UQCRB: variants seen among roughly 807,000 people sequenced by gnomAD.
UQCRB encodes ubiquinol-cytochrome c reductase binding protein.
A neutral mutation model predicts 19.8 loss-of-function variants in UQCRB; 12 were observed. The observed-to-expected ratio is 0.61, with a 90% CI of 0.39 to 0.98. The LOEUF is 0.98. UQCRB is among the 50% of genes least tolerant of loss of function. The pLI is 0.00. For synonymous variants in UQCRB, 39 were observed against 42.9 expected (o/e 0.91, Z 0.35); for missense variants, 142 against 131.8 (o/e 1.08, Z -0.38).
chr8:96,231,254 T>C (rs769868307), intron 3 of UQCRB, 122 bp from the exon 4 acceptor site: 143 of 1,592,768 alleles, frequency 9.0e-5, no homozygotes, highest in Non-Finnish European at 1.1e-4. Flanking sequence ...AGAAAACATA[T>C]TCTCAACCTA....
intron 3 of UQCRB, 51 bp downstream of exon 3, chr8:96,231,723 A>G (rs1242627528): frequency 6.2e-7 from 1 of 1,610,324 alleles, no homozygotes; most frequent in Non-Finnish European, 8.5e-7. Flanking sequence ...TCTTGTTTCT[A>G]AAACTCCATC....
At chr8:96,235,326 G>C (rs1809784235) in intron 1 of UQCRB, 186 bp downstream of exon 1, 1 of 882,238 alleles carries the variant, frequency 1.1e-6, no homozygotes, top group African/African-American at 1.6e-5. Context: ...ACCCTATACA[G>C]GCAAGCCCGC....
rs1396410894 is a variant in UQCRB at position 96,229,283 on chromosome 8, G to A, written c.*1772C>T. Reference sequence around the variant, plus strand: ...GCCTGGGGGTTCCTGTTATACCTCAGTCTTGGTCAGTTCTATTTGTTCCCC... The same window carrying A: ...GCCTGGGGGTTCCTGTTATACCTCAATCTTGGTCAGTTCTATTTGTTCCCC... On this transcript the variant is annotated 3_prime_UTR_variant, in exon 4 of 4. Transcript: ENST00000287022. 1 of 454,088 alleles carries A rather than the reference G, an allele frequency of 2.2e-6. No individual in the cohort carries two copies. Among genetic ancestry groups the A allele is most frequent in the South Asian group, 1.6e-5 (1 of 64,478 alleles). The allele number at this position is 454,088 out of a possible 1,614,324, so 28.1% of individuals were successfully genotyped here. A position where few individuals can be genotyped will look rare whatever the true frequency, so the allele number is the denominator to read the frequency against.
Position 96,227,386 on chromosome 8 carries a change from C to G in UQCRB, c.*3669G>C, listed in dbSNP as rs537005456. ...TTCCATAGTGCTCGTGTGATGTACA[C>G]TAAGTTGTAAAGTTATAGGGCATCG... is the stretch of plus-strand genomic sequence containing the variant. On this transcript the variant is annotated 3_prime_UTR_variant, in exon 4 of 4. Transcript: ENST00000287022. The G allele has an allele frequency of 1.8e-5, 8 of 454,066 alleles. No homozygotes were observed. Among genetic ancestry groups the G allele is most frequent in the African/African-American group, 6.0e-5 (3 of 50,114 alleles). 28.1% of individuals were successfully genotyped at this position (454,066 alleles called of 1,614,324 possible).
Position 96,229,438 on chromosome 8 carries a change from T to G in UQCRB, c.*1617A>C. ...CACACCTTGACAGTGCTCTTTGAGA[T>G]GCCTCAGTTGTAGTCTCCTTGTAAT... On this transcript the variant is annotated 3_prime_UTR_variant, in exon 4 of 4. Coordinates refer to ENST00000287022, the MANE Select transcript of UQCRB (RefSeq NM_006294.5). 1 of 454,158 alleles carries G rather than the reference T, an allele frequency of 2.2e-6. No individual in the cohort carries two copies. Among genetic ancestry groups the G allele is most frequent in the South Asian group, 1.6e-5 (1 of 64,484 alleles). 28.1% of individuals were successfully genotyped at this position (454,158 alleles called of 1,614,324 possible). A position where few individuals can be genotyped will look rare whatever the true frequency, so the allele number is the denominator to read the frequency against.
chr8:96,234,963 C>G (rs1267441259), intron 1 of UQCRB: 8 of 217,516 alleles, frequency 3.7e-5, no homozygotes, highest in Non-Finnish European at 2.8e-5. Flanking sequence ...CGCTCGTATC[C>G]CTTGCTCAAC....
intron 3 of UQCRB, chr8:96,231,399 G>C: frequency 5.2e-6 from 8 of 1,537,806 alleles, no homozygotes; most frequent in Non-Finnish European, 7.0e-6. Flanking sequence ...TTTCAATGCA[G>C]TTCAAGGGGT....
rs1415037161 is a variant in UQCRB, at chr8:96,231,891, G to C, written c.141C>G (p.Ala47=). The change falls in exon 3 of 4, where the codon GCC becomes GCG. Residue 47 remains alanine, a synonymous_variant. Coordinates refer to ENST00000287022, the MANE Select transcript of UQCRB (RefSeq NM_006294.5). ...AAAGGTTCTCAGGAAGTCTTCTTAT[G>C]GCTTCTTTTACATCTTCATCCTCGT... ...TIYEDEDVKE[A]IRRLPENLYN... is the part of the protein sequence containing the mutation. The C allele has an allele frequency of 6.2e-7, 1 of 1,613,770 alleles. No homozygotes were observed. The highest frequency in any genetic ancestry group is 1.3e-5 in the African/African-American group (1 of 74,898).
In UQCRB at chr8:96,224,251, G is replaced by A. The variant is rs369633424; in HGVS notation, c.*6804C>T. Among the ~76,000 whole-genome samples the A allele has an allele frequency of 2.0e-5, 3 of 152,294 alleles. No individual in the cohort carries two copies. The highest frequency in any genetic ancestry group is 3.9e-4 in the East Asian group (2 of 5,172). ...CCAACTTTGATAGAGATAGCAGAGT[G>A]GGGAGGGATGGAAGGGAGAGCTGTA... On this transcript the variant is annotated 3_prime_UTR_variant, in exon 4 of 4. Transcript: ENST00000287022.
In UQCRB at chr8:96,229,705, C is replaced by T. The variant is rs1046822057; in HGVS notation, c.*1350G>A. 3.1e-5 allele frequency: 14 copies of T among 449,866 alleles called. No individual in the cohort carries two copies. The highest frequency in any genetic ancestry group is 6.8e-4 in the Middle Eastern group (1 of 1,464). 27.9% of individuals were successfully genotyped at this position (449,866 alleles called of 1,614,324 possible). On this transcript the variant is annotated 3_prime_UTR_variant, in exon 4 of 4. Transcript: ENST00000287022. ...ATCAAGTGATCTAGTTGTCTTCAAC[C>T]ATACAAAAGAAAATTGACATGATTT...
chr8:96,233,573 C>A, intron 1 of UQCRB: 1 of 199,222 alleles, frequency 5.0e-6, no homozygotes, highest in Non-Finnish European at 1.0e-5. Flanking sequence ...TGCCCTGTTA[C>A]CTTCAGAAAT....
At position 96,231,851 on chromosome 8, in the gene UQCRB, A is replaced by G; in HGVS notation, c.181T>C (p.Phe61Leu). ...AGGTCCAGTGCCCTCTTAATGCGAA[A>G]CATCCTGTCATTATAAAGGTTCTCA... ...LPENLYNDRM[F>L]RIKRALDLNL... The change falls in exon 3 of 4, where the codon TTT becomes CTT. Residue 61 changes from phenylalanine (F) to leucine (L), a missense_variant. This residue lies in a region of UQCRB where 132 missense variants were observed against 107.5 expected (regional missense o/e 1.23). Coordinates refer to ENST00000287022, the MANE Select transcript of UQCRB (RefSeq NM_006294.5). 2 of 1,614,134 alleles carry G rather than the reference A, an allele frequency of 1.2e-6. No individual in the cohort carries two copies. The highest frequency in any genetic ancestry group is 1.7e-6 in the Non-Finnish European group (2 of 1,180,022).
intron 3 of UQCRB, 88 bp downstream of exon 3, chr8:96,231,686 C>T (rs551116160): frequency 3.1e-5 from 48 of 1,570,942 alleles, no homozygotes; most frequent in Non-Finnish European, 4.1e-5. Context: ...TCAGAGAACT[C>T]TAACACTATG....
chr8:96,229,554 C>T lies in UQCRB; in HGVS notation c.*1501G>A. On this transcript the variant is annotated 3_prime_UTR_variant, in exon 4 of 4. Coordinates refer to ENST00000287022, the MANE Select transcript of UQCRB (RefSeq NM_006294.5). ...AAAAGAGCCTTTGCAGAGATCTACT[C>T]AGGAAAATTTTCTGAATAGACAAAT... 2 of 454,106 alleles carry T rather than the reference C, an allele frequency of 4.4e-6. No individual in the cohort carries two copies. The highest frequency in any genetic ancestry group is 8.8e-6 in the Non-Finnish European group (2 of 226,796). 28.1% of individuals were successfully genotyped at this position (454,106 alleles called of 1,614,324 possible). A position where few individuals can be genotyped will look rare whatever the true frequency, so the allele number is the denominator to read the frequency against.
At position 96,223,133 on chromosome 8, in the gene UQCRB, T is replaced by TAATC. The variant is rs1477074375; in HGVS notation, c.*7921_*7922insGATT. ...TCATGTACAGCATGGTGACTATAAT[T>TAATC]ATATTGTACACTAAAAATTTGCTGA... On this transcript the variant is annotated 3_prime_UTR_variant, in exon 4 of 4. Transcript: ENST00000287022. 2.0e-5 allele frequency among the ~76,000 whole-genome samples: 3 copies of TAATC among 151,644 alleles called. No individual in the cohort carries two copies. The highest frequency in any genetic ancestry group is 2.9e-5 in the Non-Finnish European group (2 of 67,912).
Position 96,228,240 on chromosome 8 carries a change from C to G in UQCRB, c.*2815G>C, listed in dbSNP as rs941291156. 2.2e-6 allele frequency: 1 copy of G among 454,042 alleles called. No homozygotes were observed. The allele number at this position is 454,042 out of a possible 1,614,324, so 28.1% of individuals were successfully genotyped here. A position where few individuals can be genotyped will look rare whatever the true frequency, so the allele number is the denominator to read the frequency against. On this transcript the variant is annotated 3_prime_UTR_variant, in exon 4 of 4. Coordinates refer to ENST00000287022, the MANE Select transcript of UQCRB (RefSeq NM_006294.5). ...TGTAGGAAAACTGTATATTCAAAAC[C>G]AATCTCAAACTTTAAACAACAAAAG...
Position 96,227,723 on chromosome 8 carries a change from T to C in UQCRB, c.*3332A>G, listed in dbSNP as rs1809557162. 1 of 453,628 alleles carries C rather than the reference T, an allele frequency of 2.2e-6. No homozygotes were observed. Among genetic ancestry groups the C allele is most frequent in the Admixed American group, 2.4e-5 (1 of 42,498 alleles). 28.1% of individuals were successfully genotyped at this position (453,628 alleles called of 1,614,324 possible). A position where few individuals can be genotyped will look rare whatever the true frequency, so the allele number is the denominator to read the frequency against. ...TGTGAAGGATTATTACTTTGGGCTT[T>C]GGCCCAGTTTTTATTCTTACTGCTG... is the stretch of plus-strand genomic sequence containing the variant. On this transcript the variant is annotated 3_prime_UTR_variant, in exon 4 of 4. Coordinates refer to ENST00000287022, the MANE Select transcript of UQCRB (RefSeq NM_006294.5).
chr8:96,227,540 C>A lies in UQCRB; in HGVS notation c.*3515G>T, dbSNP rs1442721539. 2.2e-6 allele frequency: 1 copy of A among 454,140 alleles called. No individual in the cohort carries two copies. The allele number at this position is 454,140 out of a possible 1,614,324, so 28.1% of individuals were successfully genotyped here. On this transcript the variant is annotated 3_prime_UTR_variant, in exon 4 of 4. Transcript: ENST00000287022. ...CTGTCCCTCCTAAAATCCATGCTTC[C>A]TCCCATACACCATAAACCCATCTGC...
Position 96,226,923 on chromosome 8 carries a change from A to G in UQCRB, c.*4132T>C, listed in dbSNP as rs1278077195. ...TGATTCAGTTCTTCTTTCTTGCTCAATTGCTAATACAATAAAATTTCTTAG... is the reference window on the plus strand; with the variant it reads ...TGATTCAGTTCTTCTTTCTTGCTCAGTTGCTAATACAATAAAATTTCTTAG... On this transcript the variant is annotated 3_prime_UTR_variant, in exon 4 of 4. Coordinates refer to ENST00000287022, the MANE Select transcript of UQCRB (RefSeq NM_006294.5). 8.8e-6 allele frequency: 4 copies of G among 453,954 alleles called. No homozygotes were observed. The Admixed American group carries it at 9.4e-5, about 11-fold the overall frequency. 28.1% of individuals were successfully genotyped at this position (453,954 alleles called of 1,614,324 possible).
Sources: gnomAD v4.1 joint callset for allele counts (sites outside exome capture counted in the v4.1 genomes callset) on GRCh38, gnomAD v4.1.1 for gene constraint, gnomAD v4.1.1 regional missense constraint, MANE v1.5 for transcripts, NCBI Gene and HGNC (gene_info 2026-07-23, HGNC 2026-07-21) for gene names.